UTP18: variants seen among roughly 807,000 people sequenced by gnomAD.
The protein encoded by UTP18 is UTP18 small subunit processome component, also known as U3 small nucleolar RNA-associated protein 18 homolog.
Under a neutral mutation model 61.1 loss-of-function variants are expected in UTP18, and 36 were observed. The observed-to-expected ratio is 0.59, with a 90% CI of 0.45 to 0.78. UTP18 has a LOEUF of 0.78. Among genes scored for constraint, UTP18 ranks in the 30% least tolerant of loss-of-function variants. UTP18 has a pLI of 0.00. For synonymous variants in UTP18, 282 were observed against 251.1 expected (o/e 1.12, Z -1.16); for missense variants, 753 against 693.9 (o/e 1.09, Z -0.96).
intron 3 of UTP18, among the ~76,000 whole-genome samples, chr17:51,268,007 G>GTTTTTTTTTTTTT (rs766635231): frequency 2.3e-5 from 3 of 130,582 alleles, no homozygotes; most frequent in Non-Finnish European, 1.6e-5. Context: ...TTTGTTTTTT[G>GTTTTTTTTTTTTT]TTTTTTGTTT....
At chr17:51,270,413 TATC>T (rs1904488448) in intron 4 of UTP18, among the ~76,000 whole-genome samples, 1 of 152,196 alleles carries the variant, frequency 6.6e-6, no homozygotes, top group Non-Finnish European at 1.5e-5. Context: ...ATAATTTTAT[TATC>T]CATTTCAGAA....
At chr17:51,285,168 G>C in intron 9 of UTP18, 77 bp from the exon 10 acceptor site, 1 of 1,541,156 alleles carries the variant, frequency 6.5e-7, no homozygotes, top group Non-Finnish European at 8.9e-7. Flanking sequence ...TGTTAAGAGG[G>C]ACTGAGAGTG....
chr17:51,277,831 A>G (rs564110647), intron 7 of UTP18, among the ~76,000 whole-genome samples: 1 of 152,192 alleles, frequency 6.6e-6, no homozygotes, highest in Non-Finnish European at 1.5e-5. Flanking sequence ...TCTGCCCTCT[A>G]CCATACCCAT....
At chr17:51,297,248 A>G (rs1046832227) in intron 13 of UTP18, among the ~76,000 whole-genome samples, 12 of 152,206 alleles carry the variant, frequency 7.9e-5, no homozygotes, top group Non-Finnish European at 1.3e-4. Flanking sequence ...GTTGCATTCA[A>G]TAATTCTCAT....
intron 9 of UTP18, among the ~76,000 whole-genome samples, chr17:51,281,350 T>C (rs1008540066): frequency 4.6e-5 from 7 of 151,966 alleles, no homozygotes; most frequent in African/African-American, 1.7e-4. Flanking sequence ...ATTTAAAAGA[T>C]TATTCAGGGG....
At position 51,260,925 on chromosome 17, in the gene UTP18, G is replaced by A; in HGVS notation, c.341G>A (p.Arg114Lys). 1 of 1,554,174 alleles carries A rather than the reference G, an allele frequency of 6.4e-7. No homozygotes were observed. Among genetic ancestry groups the A allele is most frequent in the Middle Eastern group, 2.0e-4 (1 of 4,944 alleles). The change falls in exon 1 of 14, where the codon AGG becomes AAG. Residue 114 changes from arginine to lysine, a missense_variant and splice_region_variant. Physicochemically the swap from Arg to Lys is conservative, Grantham distance 26 (BLOSUM62 2). Coordinates refer to ENST00000225298, the MANE Select transcript of UTP18 (RefSeq NM_016001.3). Reference protein sequence around the residue: ...DALLRRLRGPRVQEHEDSGDS... With the variant: ...DALLRRLRGPKVQEHEDSGDS... ...TTGCTGCGGCGTCTGCGAGGCCCGAGGGTGAGGGAGGCCGCGGCGCGCGGG... is the reference window on the plus strand; with the variant it reads ...TTGCTGCGGCGTCTGCGAGGCCCGAAGGTGAGGGAGGCCGCGGCGCGCGGG...
intron 7 of UTP18, among the ~76,000 whole-genome samples, chr17:51,278,404 A>G (rs1158756820): frequency 6.6e-6 from 1 of 152,204 alleles, no homozygotes; most frequent in Non-Finnish European, 1.5e-5. Flanking sequence ...CTATTTTTAC[A>G]TGTCATTTCA....
chr17:51,270,710 T>G (rs1247016229), intron 4 of UTP18, among the ~76,000 whole-genome samples: 1 of 152,190 alleles, frequency 6.6e-6, no homozygotes, highest in African/African-American at 2.4e-5. Flanking sequence ...TGGCCTTTCC[T>G]GGAAATGGTA....
At chr17:51,294,697 T>C (rs915934708) in intron 12 of UTP18, among the ~76,000 whole-genome samples, 12 of 152,156 alleles carry the variant, frequency 7.9e-5, no homozygotes, top group African/African-American at 2.2e-4. Flanking sequence ...GCATGATTTA[T>C]AATCCTTTGG....
chr17:51,290,356 C>T (rs993233709), intron 11 of UTP18, among the ~76,000 whole-genome samples: 2 of 152,074 alleles, frequency 1.3e-5, no homozygotes, highest in Non-Finnish European at 2.9e-5. Flanking sequence ...GTGGAGGTTG[C>T]AGTGAGCCAA....
intron 3 of UTP18, among the ~76,000 whole-genome samples, chr17:51,267,270 A>G (rs1042750818): frequency 6.6e-5 from 10 of 152,152 alleles, no homozygotes; most frequent in Non-Finnish European, 1.0e-4. Context: ...GCCATTACCT[A>G]TCTTTTAAGT....
intron 7 of UTP18, among the ~76,000 whole-genome samples, chr17:51,278,708 A>G (rs1445087113): frequency 2.6e-5 from 4 of 152,276 alleles, no homozygotes; most frequent in South Asian, 2.1e-4. Flanking sequence ...CTCCTGTCCT[A>G]CCTCATCACG....
intron 11 of UTP18, among the ~76,000 whole-genome samples, chr17:51,290,969 T>G (rs1905222550): frequency 6.6e-6 from 1 of 152,212 alleles, no homozygotes; most frequent in Non-Finnish European, 1.5e-5. Flanking sequence ...GACTCAGAAG[T>G]CAAATTCCTG....
At chr17:51,291,194 G>C (rs1905229839) in intron 11 of UTP18, among the ~76,000 whole-genome samples, 1 of 152,340 alleles carries the variant, frequency 6.6e-6, no homozygotes, top group South Asian at 2.1e-4. Context: ...AGGAGTTAAA[G>C]AAGTTGGATC....
chr17:51,262,740 C>T (rs34301015), intron 1 of UTP18, among the ~76,000 whole-genome samples: 58,906 of 151,864 alleles, frequency 0.39, 13,037 homozygotes, highest in East Asian at 0.6. Flanking sequence ...TCTGTAGAGA[C>T]GAGATCTCCC....
intron 2 of UTP18, 89 bp from the exon 3 acceptor site, chr17:51,266,093 T>G (rs2055558058): frequency 5.2e-6 from 5 of 967,338 alleles, no homozygotes. Context: ...TATTGTTTCA[T>G]TAAACATTTT....
At chr17:51,277,794 A>G (rs1301636464) in intron 7 of UTP18, among the ~76,000 whole-genome samples, 1 of 152,208 alleles carries the variant, frequency 6.6e-6, no homozygotes, top group Non-Finnish European at 1.5e-5. Flanking sequence ...CTTAAAAAAT[A>G]ACGCTTTTTT....
At chr17:51,276,054 T>C in intron 6 of UTP18, 63 bp downstream of exon 6, 1 of 1,505,616 alleles carries the variant, frequency 6.6e-7, no homozygotes, top group Non-Finnish European at 9.0e-7. Flanking sequence ...ACCAGACATT[T>C]GCAACCCCAA....
intron 1 of UTP18, among the ~76,000 whole-genome samples, chr17:51,262,829 G>C (rs1243009836): frequency 6.6e-6 from 1 of 152,172 alleles, no homozygotes; most frequent in Non-Finnish European, 1.5e-5. Context: ...TGGGATTACA[G>C]GCATGAGGCA....
Sources: allele counts gnomAD v4.1 joint callset (sites outside exome capture counted in the v4.1 genomes callset), GRCh38; gene constraint gnomAD v4.1.1; transcripts MANE v1.5; gene names NCBI Gene and HGNC (gene_info 2026-07-23, HGNC 2026-07-21).